The following BCL2L11 variants were observed in gnomAD, a reference collection of about 807,000 sequenced individuals.
BCL2L11 encodes bcl-2-like protein 11.
Under a neutral mutation model 20.6 loss-of-function variants are expected in BCL2L11, and 15 were observed. That is an observed-to-expected ratio of 0.73 (90% CI 0.49 to 1.12). The LOEUF (loss-of-function observed/expected upper bound fraction) is 1.12, where lower values mean the gene tolerates loss of function less well. Among genes scored for constraint, BCL2L11 ranks in the 50% most tolerant of loss-of-function variants. The pLI is 0.00. For missense variants in BCL2L11, 292 were observed against 260.9 expected, an observed-to-expected ratio of 1.12 and a Z score of -0.82; for synonymous variants, 108 against 92.8, an observed-to-expected ratio of 1.16 and a Z score of -0.94.
At chr2:111,141,053 GC>G (rs2075717824) in intron 2 of BCL2L11, among the ~76,000 whole-genome samples, 1 of 152,174 alleles carries the variant, frequency 6.6e-6, no homozygotes. Context: ...ACCCAGCCCA[GC>G]CTTGGTCCTC....
At chr2:111,140,847 A>T (rs191024461) in intron 2 of BCL2L11, among the ~76,000 whole-genome samples, 35 of 152,378 alleles carry the variant, frequency 2.3e-4, no homozygotes, top group African/African-American at 7.9e-4. Flanking sequence ...AGAGACTCTC[A>T]TTAGCGTTTA....
intron 3 of BCL2L11, chr2:111,153,766 T>G: frequency 6.4e-7 from 1 of 1,552,252 alleles, no homozygotes; most frequent in Non-Finnish European, 8.7e-7. Context: ...CAGGATATTT[T>G]CCCGTTTTTC....
At chr2:111,151,502 GT>G (rs1028858761) in intron 3 of BCL2L11, among the ~76,000 whole-genome samples, 1 of 151,364 alleles carries the variant, frequency 6.6e-6, no homozygotes, top group South Asian at 2.1e-4. Flanking sequence ...CCTCTTAAAA[GT>G]TTTTTTTTAA....
rs1448367071 is a variant in BCL2L11, at chr2:111,150,056, A to G, written c.407A>G (p.Gln136Arg). The G allele has an allele frequency of 6.2e-7, 1 of 1,613,844 alleles. No homozygotes were observed. The highest frequency in any genetic ancestry group is 1.1e-5 in the South Asian group (1 of 91,068). ...HYLSAMASMR[Q>R]AEPADMRPEI... ...TGTTCTGATGCAGCTTCCATGAGGC[A>G]GGCTGAACCTGCAGATATGCGCCCA... Residue 136 changes from glutamine to arginine, a missense_variant, in exon 3 of 4, where the codon CAG (glutamine) becomes CGG (arginine). Physicochemically the swap from Gln to Arg is conservative, Grantham distance 43 (BLOSUM62 1). Transcript: ENST00000393256.
chr2:111,122,506 CA>C, intron 1 of BCL2L11: 3 of 654,990 alleles, frequency 4.6e-6, no homozygotes, highest in Non-Finnish European at 5.7e-6. Context: ...GCGCCGCCCC[CA>C]CCGCGGCTGC....
intron 2 of BCL2L11, among the ~76,000 whole-genome samples, chr2:111,129,566 C>G (rs1229489661): frequency 6.6e-6 from 1 of 152,210 alleles, no homozygotes; most frequent in African/African-American, 2.4e-5. Context: ...TATACTGTCA[C>G]AACCAGCAGT....
intron 3 of BCL2L11, among the ~76,000 whole-genome samples, chr2:111,158,844 C>G (rs1165256806): frequency 2.6e-5 from 4 of 152,226 alleles, no homozygotes; most frequent in African/African-American, 9.6e-5. Context: ...AGGATAACTC[C>G]TTGATGTCAT....
intron 2 of BCL2L11, 31 bp downstream of exon 2, chr2:111,124,170 C>T (rs763149550): frequency 4.5e-6 from 7 of 1,565,604 alleles, no homozygotes; most frequent in African/African-American, 1.4e-5. Context: ...AGGCAGTTGA[C>T]GTGTGGATGG....
intron 3 of BCL2L11, 114 bp from the exon 4 acceptor site, chr2:111,164,019 G>T: frequency 1.4e-6 from 1 of 702,030 alleles, no homozygotes; most frequent in Non-Finnish European, 2.6e-6. Flanking sequence ...CTCTTGAAGA[G>T]GTGCCTTTCA....
At chr2:111,153,886 G>A (rs1293823915) in intron 3 of BCL2L11, 1 of 1,549,248 alleles carries the variant, frequency 6.5e-7, no homozygotes, top group Non-Finnish European at 8.7e-7. Flanking sequence ...CCTTGAAGGA[G>A]GAGGTGAGAG....
chr2:111,129,326 C>G (rs1014811697), intron 2 of BCL2L11, among the ~76,000 whole-genome samples: 2 of 152,080 alleles, frequency 1.3e-5, no homozygotes, highest in Non-Finnish European at 2.9e-5. Flanking sequence ...AATAAGGAAA[C>G]TTTTTAGGTC....
At chr2:111,133,364 C>T (rs1055384710) in intron 2 of BCL2L11, among the ~76,000 whole-genome samples, 19 of 152,184 alleles carry the variant, frequency 1.2e-4, no homozygotes, top group African/African-American at 4.3e-4. Flanking sequence ...ATTTATTCAG[C>T]GCTAGAAATT....
At chr2:111,141,700 GTTTT>G (rs113902453) in intron 2 of BCL2L11, among the ~76,000 whole-genome samples, 1 of 138,290 alleles carries the variant, frequency 7.2e-6, no homozygotes, top group East Asian at 2.1e-4. Context: ...ATTCTTGTGA[GTTTT>G]TTTTTTTTTT....
intron 2 of BCL2L11, among the ~76,000 whole-genome samples, chr2:111,141,142 G>A (rs917774306): frequency 7.2e-5 from 11 of 152,172 alleles, no homozygotes; most frequent in South Asian, 2.1e-4. Context: ...TGGCCCTTCC[G>A]CAGTGGTCAT....
chr2:111,132,439 C>A (rs1032156050), intron 2 of BCL2L11, among the ~76,000 whole-genome samples: 1 of 152,174 alleles, frequency 6.6e-6, no homozygotes, highest in African/African-American at 2.4e-5. Context: ...GGGCTAGAAT[C>A]TGTTAACAGG....
intron 2 of BCL2L11, chr2:111,130,003 G>A: frequency 3.4e-6 from 1 of 292,908 alleles, no homozygotes; most frequent in Non-Finnish European, 6.8e-6. Context: ...AGTTTGCTTA[G>A]CTATTCACCT....
chr2:111,142,714 A>T (rs1227112718), intron 2 of BCL2L11, among the ~76,000 whole-genome samples: 1 of 152,216 alleles, frequency 6.6e-6, no homozygotes, highest in African/African-American at 2.4e-5. Context: ...ATGTGAGTTT[A>T]GGAGAAAAGA....
chr2:111,164,375 G>A lies in BCL2L11; in HGVS notation c.*144G>A, dbSNP rs1185083551. 7.9e-6 allele frequency: 5 copies of A among 631,658 alleles called. No homozygotes were observed. The highest frequency in any genetic ancestry group is 3.7e-5 in the South Asian group (2 of 54,330). The allele number at this position is 631,658 out of a possible 1,614,324, so 39.1% of individuals were successfully genotyped here. Reference sequence around the variant, plus strand: ...GGCAGGTGACGTTTCAGAAGACACCGAGCTGGATGGGACTACCTTTCTGTT... The same window carrying A: ...GGCAGGTGACGTTTCAGAAGACACCAAGCTGGATGGGACTACCTTTCTGTT... On this transcript the variant is annotated 3_prime_UTR_variant, in exon 4 of 4. Coordinates refer to ENST00000393256, the MANE Select transcript of BCL2L11 (RefSeq NM_138621.5).
rs938885862 is a variant in BCL2L11, at chr2:111,127,372, C to T, written c.394+3233C>T. Among the ~76,000 whole-genome samples, 5 of 150,434 alleles carry T rather than the reference C, an allele frequency of 3.3e-5. No individual in the cohort carries two copies. In the South Asian group the frequency reaches 1.0e-3, roughly 31 times the overall value. ...GTTAGTAAATGTCTTAAATTTTATA[C>T]TTGTTCCCTGGCACATTGGAATTCA... On this transcript the variant is annotated intron_variant, in intron 2 of 3. Transcript: ENST00000393256.
Sources: gnomAD v4.1 joint callset for allele counts (sites outside exome capture counted in the v4.1 genomes callset) on GRCh38, gnomAD v4.1.1 for gene constraint, MANE v1.5 for transcripts, NCBI Gene and HGNC (gene_info 2026-07-23, HGNC 2026-07-21) for gene names.